Variants in GDI2 observed in about 807,000 individuals in gnomAD.
The protein encoded by GDI2 is rab GDP dissociation inhibitor beta.
Under a neutral mutation model 54.2 loss-of-function variants are expected in GDI2, and 22 were observed. That is an observed-to-expected ratio of 0.41 (90% confidence interval 0.29 to 0.58). GDI2 has a LOEUF of 0.58. GDI2 is among the 20% of genes least tolerant of loss of function. The probability of loss-of-function intolerance (pLI) is 0.35; values close to 1 mark genes in which losing one functional copy is unlikely to be tolerated. For missense variants in GDI2, 422 were observed against 546.0 expected (o/e 0.77, Z 2.26); for synonymous variants, 177 against 182.1 (o/e 0.97, Z 0.23).
rs1237608340 is a variant in GDI2, at chr10:5,794,187, AAATATATATATAT to A, written c.388+685_388+697del. ...GTCTTTAAAAGAAAAAAAAAAAAAA[AAATATATATATAT>A]ATATATATATATATATATATATATA... On this transcript the variant is annotated intron_variant, in intron 4 of 10. Transcript: ENST00000380191. Among the ~76,000 whole-genome samples, 179 of 40,276 alleles carry A rather than the reference AAATATATATATAT, an allele frequency of 4.4e-3. 1 individual carries two copies. The highest frequency in any genetic ancestry group is 0.017 in the African/African-American group (169 of 10,140). The allele number at this position is 40,276 out of a possible 152,430, so 26.4% of individuals were successfully genotyped here. A position where few individuals can be genotyped will look rare whatever the true frequency, so the allele number is the denominator to read the frequency against.
chr10:5,777,840 G>A (rs1322271795), intron 6 of GDI2, among the ~76,000 whole-genome samples: 1 of 152,190 alleles, frequency 6.6e-6, no homozygotes. Context: ...GCACACTTAT[G>A]TTTACTGCAG....
intron 1 of GDI2, 50 bp downstream of exon 1, chr10:5,813,164 G>T (rs754232892): frequency 1.3e-5 from 16 of 1,228,292 alleles, no homozygotes; most frequent in Admixed American, 4.4e-5. Flanking sequence ...GGAGCCGGGG[G>T]TGCGCCCGCC....
chr10:5,782,782 A>T (rs1840788858), intron 6 of GDI2, among the ~76,000 whole-genome samples: 1 of 152,108 alleles, frequency 6.6e-6, no homozygotes, highest in African/African-American at 2.4e-5. Context: ...AAATATAAAA[A>T]ATTAGCCGGA....
At chr10:5,799,018 A>C (rs922271215) in intron 2 of GDI2, among the ~76,000 whole-genome samples, 8 of 152,078 alleles carry the variant, frequency 5.3e-5, no homozygotes, top group Non-Finnish European at 1.2e-4. Flanking sequence ...AAGAAAAGAA[A>C]AAAATTGTGA....
At chr10:5,794,172 GA>G (rs1256206663) in intron 4 of GDI2, among the ~76,000 whole-genome samples, 287 of 27,958 alleles carry the variant, frequency 0.01, 10 homozygotes, top group African/African-American at 0.02. Context: ...GTCTTTAAAA[GA>G]AAAAAAAAAA....
In GDI2 at chr10:5,766,819, A is replaced by G. The variant is rs547293771; in HGVS notation, c.992-181T>C. ...GTAAAGTACACAGATATTTAACAAT[A>G]GGAATTTCTTTTAACCTACTAGAGA... is the stretch of plus-strand genomic sequence containing the variant. On this transcript the variant is annotated intron_variant, in intron 8 of 10. Coordinates refer to ENST00000380191, the MANE Select transcript of GDI2 (RefSeq NM_001494.4). This position sits in a 1 kb window ranked among gnomAD's most constrained non-coding sequence, Gnocchi z 5.8. Among the ~76,000 whole-genome samples, 8 of 152,374 alleles carry G rather than the reference A, an allele frequency of 5.3e-5. No individual in the cohort carries two copies. The South Asian group carries it at 1.7e-3, about 32-fold the overall frequency.
rs984310858 is a variant in GDI2, at chr10:5,766,891, T to G, written c.992-253A>C. 6.6e-6 allele frequency among the ~76,000 whole-genome samples: 1 copy of G among 152,210 alleles called. No homozygotes were observed. The highest frequency in any genetic ancestry group is 1.5e-5 in the Non-Finnish European group (1 of 68,028). On this transcript the variant is annotated intron_variant, in intron 8 of 10. Coordinates refer to ENST00000380191, the MANE Select transcript of GDI2 (RefSeq NM_001494.4). The surrounding 1 kb of genome is among the most constrained non-coding windows in gnomAD (Gnocchi z 5.8). ...AACTGCTGAAGTTTGGAATGAGATCTCTTAACAGCTCTGTCATACCTAACT... is the reference window on the plus strand; with the variant it reads ...AACTGCTGAAGTTTGGAATGAGATCGCTTAACAGCTCTGTCATACCTAACT...
chr10:5,804,072 C>T (rs764766891), intron 1 of GDI2, among the ~76,000 whole-genome samples: 1 of 149,430 alleles, frequency 6.7e-6, no homozygotes, highest in Non-Finnish European at 1.5e-5. Context: ...TCAAATTTCA[C>T]TATAGGAGTG....
At position 5,771,224 on chromosome 10, in the gene GDI2, C is replaced by T. The variant is rs186453418; in HGVS notation, c.819+2618G>A. Among the ~76,000 whole-genome samples the T allele has an allele frequency of 1.9e-3, 292 of 152,168 alleles. 1 individual carries two copies. Among genetic ancestry groups the T allele is most frequent in the South Asian group, 6.4e-3 (31 of 4,820 alleles). ...TTTTCTCCTTGAACAGATATATGAA[C>T]TGTAAATCCTGTTCAAATACTAGGA... On this transcript the variant is annotated intron_variant, in intron 7 of 10. Coordinates refer to ENST00000380191, the MANE Select transcript of GDI2 (RefSeq NM_001494.4).
chr10:5,776,586 AAAAT>A lies in GDI2; in HGVS notation c.720-2649_720-2646del. 1 of 1,562,512 alleles carries A rather than the reference AAAAT, an allele frequency of 6.4e-7. No homozygotes were observed. Among genetic ancestry groups the A allele is most frequent in the Non-Finnish European group, 8.8e-7 (1 of 1,136,364 alleles). On this transcript the variant is annotated intron_variant, in intron 6 of 10. Transcript: ENST00000380191. This position sits in a 1 kb window ranked among gnomAD's most constrained non-coding sequence, Gnocchi z 5.3. ...GCTGAGAATGAAAGATTAAGGAAAGAAAATAAACAACTCAAGGCTGAAAAGGGCA... is the reference window on the plus strand; with the variant it reads ...GCTGAGAATGAAAGATTAAGGAAAGAAAACAACTCAAGGCTGAAAAGGGCA...
intron 6 of GDI2, among the ~76,000 whole-genome samples, chr10:5,778,838 C>T (rs1235815961): frequency 1.3e-5 from 2 of 152,210 alleles, no homozygotes; most frequent in South Asian, 4.1e-4. Flanking sequence ...GTGTAAAATC[C>T]AGTCTCCACA....
intron 1 of GDI2, among the ~76,000 whole-genome samples, chr10:5,802,452 A>G (rs1255969974): frequency 1.3e-5 from 2 of 152,054 alleles, no homozygotes; most frequent in African/African-American, 4.8e-5. Flanking sequence ...TACAAAACTT[A>G]GCTGGGCATG....
chr10:5,767,169 TTG>T (rs1351544847), intron 8 of GDI2, among the ~76,000 whole-genome samples: 2 of 151,964 alleles, frequency 1.3e-5, no homozygotes, highest in East Asian at 3.9e-4. Context: ...AGAAAATCAT[TTG>T]GATAGGAGAG....
intron 2 of GDI2, among the ~76,000 whole-genome samples, chr10:5,798,325 T>C (rs1031281880): frequency 2.6e-5 from 4 of 152,308 alleles, no homozygotes; most frequent in African/African-American, 9.6e-5. Flanking sequence ...CGGTGGCTCA[T>C]GCCTGTAATT....
intron 4 of GDI2, among the ~76,000 whole-genome samples, chr10:5,793,492 C>T (rs1346110880): frequency 2.0e-5 from 3 of 152,188 alleles, no homozygotes; most frequent in African/African-American, 7.2e-5. Context: ...TGATTCTTTG[C>T]AGTATTTTTT....
chr10:5,805,980 T>C (rs1274559028), intron 1 of GDI2, among the ~76,000 whole-genome samples: 1 of 152,218 alleles, frequency 6.6e-6, no homozygotes, highest in Non-Finnish European at 1.5e-5. Flanking sequence ...ATTTGGATAG[T>C]TTCCAGTTTT....
Position 5,766,424 on chromosome 10 carries a change from C to T in GDI2, c.1136+70G>A, listed in dbSNP as rs559249049. On this transcript the variant is annotated intron_variant, in intron 9 of 10. Coordinates refer to ENST00000380191, the MANE Select transcript of GDI2 (RefSeq NM_001494.4). The surrounding 1 kb of genome is among the most constrained non-coding windows in gnomAD (Gnocchi z 5.8). ...CAGCTACCTGCCTTGCCCTCACATT[C>T]GTCCCACCATGGAGCCACAATCAAA... The T allele has an allele frequency of 4.5e-5, 71 of 1,566,728 alleles. No homozygotes were observed. Among genetic ancestry groups the T allele is most frequent in the African/African-American group, 2.8e-4 (21 of 74,038 alleles).
chr10:5,790,181 A>T (rs1840980159), intron 4 of GDI2, among the ~76,000 whole-genome samples: 1 of 152,248 alleles, frequency 6.6e-6, no homozygotes, highest in Admixed American at 6.5e-5. Flanking sequence ...CTGCGGCTGC[A>T]GTTGCCCGCC....
chr10:5,771,174 C>G (rs1840481991), intron 7 of GDI2, among the ~76,000 whole-genome samples: 1 of 152,156 alleles, frequency 6.6e-6, no homozygotes, highest in African/African-American at 2.4e-5. Flanking sequence ...ACTACTGAAA[C>G]TAGCTTTGCC....
Sources: allele counts gnomAD v4.1 joint callset (sites outside exome capture counted in the v4.1 genomes callset), GRCh38; gene constraint gnomAD v4.1.1; non-coding constraint Gnocchi (gnomAD v3.1); transcripts MANE v1.5; gene names NCBI Gene and HGNC (gene_info 2026-07-23, HGNC 2026-07-21).